RANBP2: variants seen among roughly 807,000 people sequenced by gnomAD.
RANBP2 encodes the protein RAN binding protein 2.
RANBP2 carries 57 observed loss-of-function variants against 303.6 expected under a neutral mutation model. The observed-to-expected ratio is 0.19, with a 90% CI of 0.15 to 0.23. RANBP2 has a LOEUF of 0.23. Among genes scored for constraint, RANBP2 ranks in the 10% least tolerant of loss-of-function variants. The pLI, the probability that RANBP2 is intolerant of heterozygous loss-of-function variation, is 1.00. For missense variants in RANBP2, 3,138 were observed against 3,780.8 expected (o/e 0.83, Z 4.46); for synonymous variants, 1,167 against 1,301.5 (o/e 0.90, Z 2.23).
chr2:109,283,881 G>A, the RANBP2 span, among the ~76,000 whole-genome samples: 15 of 152,176 alleles, frequency 9.9e-5, no homozygotes, highest in Non-Finnish European at 1.6e-4. Context: ...TATTCTATAT[G>A]CATCAGCTGG....
At chr2:109,576,498 T>C in the RANBP2 span, among the ~76,000 whole-genome samples, 1 of 152,204 alleles carries the variant, frequency 6.6e-6, no homozygotes, top group East Asian at 1.9e-4. Flanking sequence ...GTGATTATTA[T>C]AACAACAGTT....
the RANBP2 span, among the ~76,000 whole-genome samples, chr2:109,621,034 A>G: frequency 4.6e-5 from 7 of 152,230 alleles, no homozygotes; most frequent in Non-Finnish European, 1.0e-4. Context: ...CTCAAGAAAC[A>G]CTGCTCTAAA....
chr2:109,728,814 G>A, the RANBP2 span, among the ~76,000 whole-genome samples: 1 of 151,144 alleles, frequency 6.6e-6, no homozygotes, highest in African/African-American at 2.4e-5. Flanking sequence ...TCTCTAGATC[G>A]AAAAGGAAAA....
the RANBP2 span, among the ~76,000 whole-genome samples, chr2:109,242,765 G>A: frequency 6.6e-6 from 1 of 152,210 alleles, no homozygotes; most frequent in Non-Finnish European, 1.5e-5. Flanking sequence ...TTTCCCCAGT[G>A]ACGTCCTCAG....
rs1558919470 is a variant in RANBP2, at chr2:108,763,992, C to T, written c.3453C>T (p.Asn1151=). The T allele has an allele frequency of 6.2e-7, 1 of 1,613,858 alleles. No homozygotes were observed. Among genetic ancestry groups the T allele is most frequent in the Admixed American group, 1.7e-5 (1 of 59,998 alleles). The change falls in exon 20 of 29, where the codon AAC becomes AAT. Residue 1151 remains asparagine (N), a synonymous_variant. Transcript: ENST00000283195. ...GAACACCCACTTTAGAGACAGCAAACAAGAATCATGAGACAGATGGAGGAA... is the reference window on the plus strand; with the variant it reads ...GAACACCCACTTTAGAGACAGCAAATAAGAATCATGAGACAGATGGAGGAA... ...VFGTPTLETA[N]KNHETDGGSA...
At chr2:109,362,680 C>G in the RANBP2 span, among the ~76,000 whole-genome samples, 1 of 152,122 alleles carries the variant, frequency 6.6e-6, no homozygotes. Context: ...GTGTTAAAGT[C>G]TCCAGCTGTA....
At chr2:109,686,519 T>A in the RANBP2 span, among the ~76,000 whole-genome samples, 10 of 152,354 alleles carry the variant, frequency 6.6e-5, 1 homozygote, top group African/African-American at 2.4e-4. Flanking sequence ...TTCACCATGT[T>A]GGTCAGTCTG....
the RANBP2 span, among the ~76,000 whole-genome samples, chr2:109,523,559 C>G: frequency 6.6e-6 from 1 of 151,580 alleles, no homozygotes; most frequent in Non-Finnish European, 1.5e-5. Context: ...TGCCCCTGCT[C>G]CAGCCACACA....
chr2:109,301,907 C>A, the RANBP2 span, among the ~76,000 whole-genome samples: 1 of 152,184 alleles, frequency 6.6e-6, no homozygotes, highest in African/African-American at 2.4e-5. Flanking sequence ...AGTAGCTTCC[C>A]CGGTGCGGGA....
chr2:109,622,944 T>C, the RANBP2 span, among the ~76,000 whole-genome samples: 1 of 152,038 alleles, frequency 6.6e-6, no homozygotes, highest in African/African-American at 2.4e-5. Context: ...CTGGCCAACA[T>C]GGTGAAACCC....
the RANBP2 span, among the ~76,000 whole-genome samples, chr2:109,593,466 C>A: frequency 7.0e-6 from 1 of 142,752 alleles, no homozygotes; most frequent in African/African-American, 2.6e-5. Flanking sequence ...AGTGCAATGG[C>A]ATGATCTCGG....
chr2:108,917,646 A>AG, the RANBP2 span, among the ~76,000 whole-genome samples: 2 of 152,038 alleles, frequency 1.3e-5, no homozygotes, highest in African/African-American at 4.8e-5. Context: ...CTAAGACTAG[A>AG]GGGGGGTCAA....
At chr2:109,196,862 G>A in the RANBP2 span, among the ~76,000 whole-genome samples, 4 of 152,216 alleles carry the variant, frequency 2.6e-5, no homozygotes, top group Admixed American at 2.0e-4. Context: ...AGACAGAGGT[G>A]GGCCTAGATG....
the RANBP2 span, among the ~76,000 whole-genome samples, chr2:109,241,119 A>G: frequency 6.6e-6 from 1 of 152,250 alleles, no homozygotes; most frequent in South Asian, 2.1e-4. Flanking sequence ...ATTGTCTAGT[A>G]AGTTAATACA....
intron 17 of RANBP2, among the ~76,000 whole-genome samples, chr2:108,757,017 A>C (rs201467903): frequency 2.0e-5 from 3 of 151,906 alleles, no homozygotes; most frequent in Middle Eastern, 3.4e-3. Context: ...TTTGGACCTC[A>C]TGGTTAGGTC....
the RANBP2 span, among the ~76,000 whole-genome samples, chr2:109,694,578 G>A: frequency 6.6e-6 from 1 of 151,924 alleles, no homozygotes; most frequent in South Asian, 2.1e-4. Flanking sequence ...GTGGTCCCAG[G>A]CTTTTCAAAT....
the RANBP2 span, among the ~76,000 whole-genome samples, chr2:109,591,535 T>C: frequency 5.3e-5 from 8 of 152,138 alleles, no homozygotes; most frequent in South Asian, 6.2e-4. Flanking sequence ...CATTGATATA[T>C]GGAGAAAGAG....
the RANBP2 span, among the ~76,000 whole-genome samples, chr2:109,304,126 C>G: frequency 6.6e-6 from 1 of 151,948 alleles, no homozygotes; most frequent in African/African-American, 2.4e-5. Context: ...AAGATCTACT[C>G]TGCTAGCAGT....
the RANBP2 span, among the ~76,000 whole-genome samples, chr2:109,231,637 A>T: frequency 6.6e-6 from 1 of 152,214 alleles, no homozygotes; most frequent in Non-Finnish European, 1.5e-5. Context: ...CTCAGATGAC[A>T]TGTGGCTGAG....
Sources: gnomAD v4.1 joint callset for allele counts (sites outside exome capture counted in the v4.1 genomes callset) on GRCh38, gnomAD v4.1.1 for gene constraint, MANE v1.5 for transcripts, NCBI Gene and HGNC (gene_info 2026-07-23, HGNC 2026-07-21) for gene names.